MAF: variants seen among roughly 807,000 people sequenced by gnomAD.
MAF encodes the protein transcription factor Maf.
A neutral mutation model predicts 22.0 loss-of-function variants in MAF; 10 were observed. The observed-to-expected ratio is 0.45, with a 90% CI of 0.28 to 0.77. The LOEUF (loss-of-function observed/expected upper bound fraction) is 0.77, where lower values mean the gene tolerates loss of function less well. Ranked by LOEUF, MAF falls within the 30% of genes least tolerant of loss-of-function variation. MAF has a pLI of 0.12. For synonymous variants in MAF, 337 were observed against 255.8 expected, an observed-to-expected ratio of 1.32 and a Z score of -3.03; for missense variants, 544 against 548.4, an observed-to-expected ratio of 0.99 and a Z score of 0.08.
chr16:79,526,603 T>C, the MAF span, among the ~76,000 whole-genome samples: 1 of 152,214 alleles, frequency 6.6e-6, no homozygotes, highest in African/African-American at 2.4e-5. Flanking sequence ...TCTTACAGGT[T>C]AGCGGTATGC....
chr16:79,430,067 C>T, the MAF span, among the ~76,000 whole-genome samples: 3 of 152,242 alleles, frequency 2.0e-5, no homozygotes, highest in East Asian at 5.8e-4. Flanking sequence ...GCATCCACCC[C>T]GGGGCCCCTT....
the MAF span, among the ~76,000 whole-genome samples, chr16:79,229,793 C>A: frequency 1.3e-5 from 2 of 152,036 alleles, no homozygotes; most frequent in Non-Finnish European, 2.9e-5. Context: ...GTGAAAGATG[C>A]GGAGTTTAAT....
the MAF span, among the ~76,000 whole-genome samples, chr16:79,513,875 T>C: frequency 6.6e-6 from 1 of 152,194 alleles, no homozygotes. Context: ...CTTTCCTGGA[T>C]GTGAAAACTC....
the MAF span, among the ~76,000 whole-genome samples, chr16:79,287,334 G>C: frequency 6.6e-5 from 10 of 152,312 alleles, no homozygotes; most frequent in South Asian, 4.1e-4. Context: ...AAGCACTCCC[G>C]GGCCCTCGGC....
At chr16:79,308,622 C>G in the MAF span, among the ~76,000 whole-genome samples, 1 of 152,160 alleles carries the variant, frequency 6.6e-6, no homozygotes, top group Non-Finnish European at 1.5e-5. Context: ...GTCAACATCT[C>G]AAAATATTGA....
the MAF span, among the ~76,000 whole-genome samples, chr16:79,359,961 G>A: frequency 6.6e-6 from 1 of 152,190 alleles, no homozygotes; most frequent in African/African-American, 2.4e-5. Flanking sequence ...CCATTCATGG[G>A]TGAATGCTCT....
chr16:79,290,345 CG>C, the MAF span, among the ~76,000 whole-genome samples: 3 of 152,176 alleles, frequency 2.0e-5, no homozygotes, highest in African/African-American at 7.2e-5. Flanking sequence ...ACGGGCTCTG[CG>C]GCAAATTATC....
chr16:79,349,389 T>C, the MAF span, among the ~76,000 whole-genome samples: 1 of 152,236 alleles, frequency 6.6e-6, no homozygotes, highest in East Asian at 1.9e-4. Flanking sequence ...CCAAGTGTTT[T>C]CTAGCTCATC....
chr16:79,519,178 A>G, the MAF span, among the ~76,000 whole-genome samples: 1 of 152,162 alleles, frequency 6.6e-6, no homozygotes, highest in African/African-American at 2.4e-5. Flanking sequence ...GGAGAACCAC[A>G]GAGGTTCACT....
chr16:79,424,001 A>G, the MAF span, among the ~76,000 whole-genome samples: 1 of 152,180 alleles, frequency 6.6e-6, no homozygotes, highest in South Asian at 2.1e-4. Flanking sequence ...ACAATAATAA[A>G]TGAAAACAGT....
At position 79,600,091 on chromosome 16, in the gene MAF, G is replaced by GC; in HGVS notation, c.-190dup. On this transcript the variant is annotated 5_prime_UTR_variant, in exon 1 of 2. Coordinates refer to ENST00000326043, the MANE Select transcript of MAF (RefSeq NM_005360.5). Reference sequence around the variant, plus strand: ...ACACACACCCCCCCGCCCTGCCCGCGCCCCCCGCGCCCGCCCTCCCTCCCC... The same window carrying GC: ...ACACACACCCCCCCGCCCTGCCCGCGCCCCCCCGCGCCCGCCCTCCCTCCCC... The GC allele has an allele frequency of 3.1e-6, 2 of 647,580 alleles. No individual in the cohort carries two copies. Among genetic ancestry groups the GC allele is most frequent in the Admixed American group, 3.7e-5 (1 of 26,888 alleles). 40.1% of individuals were successfully genotyped at this position (647,580 alleles called of 1,614,324 possible). A position where few individuals can be genotyped will look rare whatever the true frequency, so the allele number is the denominator to read the frequency against.
chr16:79,459,036 T>C, the MAF span, among the ~76,000 whole-genome samples: 3 of 152,220 alleles, frequency 2.0e-5, no homozygotes, highest in East Asian at 5.8e-4. Flanking sequence ...TAAACAGCAG[T>C]TACCATTTAC....
the MAF span, among the ~76,000 whole-genome samples, chr16:79,361,300 T>C: frequency 6.6e-6 from 1 of 152,018 alleles, no homozygotes; most frequent in Non-Finnish European, 1.5e-5. Flanking sequence ...GCACTCTGAG[T>C]CCCTCCTCTA....
At chr16:79,209,750 TAG>T in the MAF span, among the ~76,000 whole-genome samples, 1 of 152,336 alleles carries the variant, frequency 6.6e-6, no homozygotes, top group Admixed American at 6.5e-5. Context: ...AATTTGTCTT[TAG>T]AGGCACTTCT....
chr16:79,237,367 G>A, the MAF span, among the ~76,000 whole-genome samples: 1 of 152,086 alleles, frequency 6.6e-6, no homozygotes, highest in African/African-American at 2.4e-5. Flanking sequence ...GGTGGCTTGG[G>A]AGGGAAGGGT....
chr16:79,463,065 T>G, the MAF span, among the ~76,000 whole-genome samples: 3 of 152,132 alleles, frequency 2.0e-5, no homozygotes, highest in Admixed American at 2.0e-4. Context: ...ATAAGAATGG[T>G]GGCCCCATAA....
the MAF span, among the ~76,000 whole-genome samples, chr16:79,399,199 T>C: frequency 6.6e-6 from 1 of 152,190 alleles, no homozygotes; most frequent in Non-Finnish European, 1.5e-5. Context: ...TGCTTTGTCA[T>C]CCTGGAACCT....
chr16:79,298,650 C>G, the MAF span, among the ~76,000 whole-genome samples: 2 of 152,202 alleles, frequency 1.3e-5, no homozygotes, highest in African/African-American at 4.8e-5. Flanking sequence ...GAAGAACTCA[C>G]TTGTCATGGG....
the MAF span, among the ~76,000 whole-genome samples, chr16:79,489,001 G>A: frequency 3.3e-5 from 5 of 152,196 alleles, no homozygotes. Flanking sequence ...GCCAGAGGGA[G>A]AGATGAACTA....
Sources: gnomAD v4.1 joint callset for allele counts (sites outside exome capture counted in the v4.1 genomes callset) on GRCh38, gnomAD v4.1.1 for gene constraint, MANE v1.5 for transcripts, NCBI Gene and HGNC (gene_info 2026-07-23, HGNC 2026-07-21) for gene names.